The following DHCR7 variants were observed in gnomAD, a reference collection of about 807,000 sequenced individuals.
DHCR7 encodes 7-DHC reductase.
A neutral mutation model predicts 43.3 loss-of-function variants in DHCR7; 40 were observed. The ratio of observed to expected loss-of-function variants is 0.92; its 90% confidence interval spans 0.72 to 1.20. The LOEUF (loss-of-function observed/expected upper bound fraction) is 1.20, where lower values mean the gene tolerates loss of function less well. Ranked by LOEUF, DHCR7 falls within the 50% of genes most tolerant of loss-of-function variation. DHCR7 has a pLI of 0.00. For synonymous variants in DHCR7, 298 were observed against 271.4 expected (o/e 1.10, Z -0.96); for missense variants, 608 against 644.6 (o/e 0.94, Z 0.62).
chr11:71,445,609 T>C (rs78916434), intron 2 of DHCR7, among the ~76,000 whole-genome samples: 3 of 152,202 alleles, frequency 2.0e-5, no homozygotes, highest in African/African-American at 7.2e-5. Context: ...GTGTGTCCTC[T>C]TCATTGTTCT....
chr11:71,440,500 G>T (rs530882321), intron 6 of DHCR7, among the ~76,000 whole-genome samples: 1 of 151,250 alleles, frequency 6.6e-6, no homozygotes, highest in Admixed American at 6.6e-5. Context: ...TGGAAGGATG[G>T]GGAGATGGGC....
chr11:71,435,167 G>T lies in DHCR7; in HGVS notation c.*208C>A. On this transcript the variant is annotated 3_prime_UTR_variant, in exon 9 of 9. Coordinates refer to ENST00000355527, the MANE Select transcript of DHCR7 (RefSeq NM_001360.3). Reference sequence around the variant, plus strand: ...AAAATCCGTCTGTGCTGGCAATACGGCAGTGCTGGACACTCGGAATTCCCT... The same window carrying T: ...AAAATCCGTCTGTGCTGGCAATACGTCAGTGCTGGACACTCGGAATTCCCT... The T allele has an allele frequency of 1.4e-6, 1 of 703,092 alleles. No homozygotes were observed. Among genetic ancestry groups the T allele is most frequent in the Non-Finnish European group, 2.6e-6 (1 of 387,248 alleles). The allele number at this position is 703,092 out of a possible 1,614,324, so 43.6% of individuals were successfully genotyped here. A position where few individuals can be genotyped will look rare whatever the true frequency, so the allele number is the denominator to read the frequency against.
rs1005868377 is a variant in DHCR7 at position 71,435,658 on chromosome 11, T to A, written c.1145A>T (p.Tyr382Phe). The A allele has an allele frequency of 1.2e-6, 2 of 1,612,956 alleles. No individual in the cohort carries two copies. Among genetic ancestry groups the A allele is most frequent in the East Asian group, 4.5e-5 (2 of 44,868 alleles). ...GRKPKVIECS[Y>F]TSADGQRHHS... ...GTGCCTCTGCCCATCGGCGGATGTG[T>A]AGGAGCACTCGATGACCTTGGGCTT... Residue 382 changes from tyrosine (Y) to phenylalanine (F), a missense_variant, in exon 9 of 9, where the codon TAC becomes TTC. By Grantham distance (22) the Tyr-to-Phe change is conservative. Transcript: ENST00000355527.
intron 5 of DHCR7, among the ~76,000 whole-genome samples, chr11:71,441,656 C>T (rs1949349802): frequency 6.6e-6 from 1 of 152,166 alleles, no homozygotes. Context: ...CTGAGTCCAT[C>T]CTTTGGTTCT....
chr11:71,427,381 T>A (rs1297327651), downstream of DHCR7, among the ~76,000 whole-genome samples: 1 of 152,252 alleles, frequency 6.6e-6, no homozygotes, highest in Non-Finnish European at 1.5e-5. Context: ...TCCATATTTT[T>A]AATTAAAATT....
At chr11:71,442,446 T>A in intron 4 of DHCR7, 93 bp from the exon 5 acceptor site, 1 of 936,790 alleles carries the variant, frequency 1.1e-6, no homozygotes, top group Non-Finnish European at 1.7e-6. Flanking sequence ...AATCATAGTC[T>A]TTTTCTTCCT....
Position 71,441,241 on chromosome 11 carries a change from G to A in DHCR7, c.612C>T (p.Thr204=). ...TAAGAACATACCAGTCTCTGGCGCT[G>A]GTGGGGAAGAAGTAGCCCTTGACCA... ...FAMVKGYFFP[T]SARDCKFTGN... is the part of the protein sequence containing the mutation. Residue 204 remains threonine, a synonymous_variant, in exon 6 of 9, where the codon ACC becomes ACT. Coordinates refer to ENST00000355527, the MANE Select transcript of DHCR7 (RefSeq NM_001360.3). 1 of 1,614,194 alleles carries A rather than the reference G, an allele frequency of 6.2e-7. No homozygotes were observed. The highest frequency in any genetic ancestry group is 8.5e-7 in the Non-Finnish European group (1 of 1,180,030).
rs780955628 is a variant in DHCR7, at chr11:71,442,300, GTAGCCGGGTAGAAACT to G, written c.359_374del (p.Lys120ThrfsTer2). ...CGGCCCCCTCCTGGATGCCTCCTAC[GTAGCCGGGTAGAAACT>G]TATGGCAGAAGTCAGGGAGAGACGT... On this transcript the variant is annotated frameshift_variant, in exon 5 of 9. Transcript: ENST00000355527. LOFTEE classifies it high-confidence loss of function. The G allele has an allele frequency of 6.2e-7, 1 of 1,613,898 alleles. No individual in the cohort carries two copies. Among genetic ancestry groups the G allele is most frequent in the South Asian group, 1.1e-5 (1 of 90,998 alleles).
At chr11:71,444,793 A>G in intron 3 of DHCR7, 62 bp downstream of exon 3, 1 of 1,481,778 alleles carries the variant, frequency 6.7e-7, no homozygotes, top group Admixed American at 1.7e-5. Flanking sequence ...ACAATTCCAA[A>G]GGCTGGAAAG....
intron 8 of DHCR7, among the ~76,000 whole-genome samples, chr11:71,436,540 G>A (rs1421719096): frequency 1.3e-5 from 2 of 152,198 alleles, no homozygotes; most frequent in Non-Finnish European, 2.9e-5. Context: ...GCATGCACCT[G>A]TAATCCCAGC....
rs1410107835 is a variant in DHCR7 at position 71,444,043 on chromosome 11, G to A, written c.271C>T (p.Pro91Ser). ...AGCTGGGCGGCTTTCCTCGTTATAG[G>A]TGGAGTCTTGGCCCAGATGTCCGAG... ...RLSDIWAKTPPITRKAAQLYT... is the reference protein window; with the variant it reads ...RLSDIWAKTPSITRKAAQLYT... The change falls in exon 4 of 9, where the codon CCT (proline) becomes TCT (serine). Residue 91 changes from proline to serine, a missense_variant. Coordinates refer to ENST00000355527, the MANE Select transcript of DHCR7 (RefSeq NM_001360.3). The A allele has an allele frequency of 5.6e-6, 9 of 1,613,624 alleles. No homozygotes were observed. In the East Asian group the frequency reaches 6.7e-5, roughly 12 times the overall value.
intron 3 of DHCR7, 80 bp from the exon 4 acceptor site, chr11:71,444,295 G>T: frequency 8.1e-7 from 1 of 1,228,268 alleles, no homozygotes; most frequent in Non-Finnish European, 1.2e-6. Context: ...CTCTGTGTGG[G>T]AGAACTGTTG....
chr11:71,429,107 C>T (rs1949215319), intron 2 of DHCR7, among the ~76,000 whole-genome samples: 3 of 152,268 alleles, frequency 2.0e-5, no homozygotes, highest in East Asian at 1.9e-4. Context: ...GAAAGCTTGG[C>T]GGCCGATGTC....
Position 71,442,317 on chromosome 11 carries a change from T to C in DHCR7, c.358A>G (p.Lys120Glu), listed in dbSNP as rs771866134. The C allele has an allele frequency of 1.2e-6, 2 of 1,613,828 alleles. No individual in the cohort carries two copies. Among genetic ancestry groups the C allele is most frequent in the Non-Finnish European group, 1.7e-6 (2 of 1,179,948 alleles). The stretch of plus-strand genomic sequence containing the variant: ...CCTCCTACGTAGCCGGGTAGAAACT[T>C]ATGGCAGAAGTCAGGGAGAGACGTG... The part of the protein sequence containing the change: ...LYTSLPDFCH[K>E]FLPGYVGGIQ... The change falls in exon 5 of 9, where the codon AAG becomes GAG. Residue 120 changes from lysine to glutamate, a missense_variant. Coordinates refer to ENST00000355527, the MANE Select transcript of DHCR7 (RefSeq NM_001360.3).
At chr11:71,434,247 C>A (rs533011925), downstream of DHCR7, among the ~76,000 whole-genome samples, 1 of 152,158 alleles carries the variant, frequency 6.6e-6, no homozygotes. Context: ...GGCAGGGTGG[C>A]GCCACGCACC....
At chr11:71,436,909 T>C (rs1949288145) in intron 8 of DHCR7, among the ~76,000 whole-genome samples, 1 of 152,246 alleles carries the variant, frequency 6.6e-6, no homozygotes, top group African/African-American at 2.4e-5. Flanking sequence ...AGCTATTATA[T>C]AGTGGGACCT....
chr11:71,442,756 A>G (rs1172632011), intron 4 of DHCR7, among the ~76,000 whole-genome samples: 3 of 152,182 alleles, frequency 2.0e-5, no homozygotes, highest in Admixed American at 1.3e-4. Context: ...TCCTGAGCTC[A>G]AGTGATCCTT....
At chr11:71,429,914 C>G (rs1471427204), downstream of DHCR7, among the ~76,000 whole-genome samples, 1 of 152,208 alleles carries the variant, frequency 6.6e-6, no homozygotes, top group African/African-American at 2.4e-5. Context: ...TGGTCCACGT[C>G]TGTGGCTCAT....
rs746175164 is a variant in DHCR7, at chr11:71,444,177, A to C, written c.137T>G (p.Leu46Arg). The C allele has an allele frequency of 1.9e-6, 3 of 1,606,284 alleles. No homozygotes were observed. ...GACGATGAAGGGGGCGAACAGCAGT[A>C]GGAAGATGACGCTCGCCAGTGAAAA... is the stretch of plus-strand genomic sequence containing the variant. ...DWFSLASVIF[L>R]LLFAPFIVYY... The change falls in exon 4 of 9, where the codon CTA becomes CGA. Residue 46 changes from leucine to arginine, a missense_variant. By Grantham distance (102) the Leu-to-Arg change is moderately radical. Coordinates refer to ENST00000355527, the MANE Select transcript of DHCR7 (RefSeq NM_001360.3).
Sources: gnomAD v4.1 joint callset for allele counts (sites outside exome capture counted in the v4.1 genomes callset) on GRCh38, gnomAD v4.1.1 for gene constraint, MANE v1.5 for transcripts, NCBI Gene and HGNC (gene_info 2026-07-23, HGNC 2026-07-21) for gene names.